ZNF749: variants seen among roughly 807,000 people sequenced by gnomAD.
ZNF749 encodes zinc finger protein 749.
In ZNF749, 8 loss-of-function variants were observed where a neutral mutation model predicts 7.3. The ratio of observed to expected loss-of-function variants is 1.10; its 90% CI spans 0.64 to 1.98. The LOEUF is 1.98. Ranked by LOEUF, ZNF749 falls within the 30% of genes most tolerant of loss-of-function variation. ZNF749 has a pLI of 0.00. For missense variants in ZNF749, 898 were observed against 932.4 expected, an observed-to-expected ratio of 0.96 and a Z score of 0.48; for synonymous variants, 310 against 322.4, an observed-to-expected ratio of 0.96 and a Z score of 0.41.
chr19:57,429,980 C>T, the ZNF749 span, among the ~76,000 whole-genome samples: 1 of 152,122 alleles, frequency 6.6e-6, no homozygotes, highest in African/African-American at 2.4e-5. This position sits in a 1 kb window ranked among gnomAD's most constrained non-coding sequence, Gnocchi z 4.2. Flanking sequence ...TCTTAATTTC[C>T]TAGCCTTTTT....
At chr19:57,430,338 G>A (rs561624766), upstream of ZNF749, among the ~76,000 whole-genome samples, 10 of 152,292 alleles carry the variant, frequency 6.6e-5, no homozygotes, top group South Asian at 2.1e-4. Flanking sequence ...CCATTCTTGC[G>A]ATGATAGCAT....
Position 57,444,839 on chromosome 19 carries a change from C to A in ZNF749, c.1691C>A (p.Ala564Asp), listed in dbSNP as rs766892719. The A allele has an allele frequency of 1.2e-6, 2 of 1,613,998 alleles. No homozygotes were observed. The highest frequency in any genetic ancestry group is 2.2e-5 in the South Asian group (2 of 91,058). The change falls in exon 3 of 3, where the codon GCC becomes GAC. Residue 564 changes from alanine (A) to aspartate (D), a missense_variant. Physicochemically the swap from Ala to Asp is moderately radical, Grantham distance 126. Coordinates refer to ENST00000334181, the MANE Select transcript of ZNF749 (RefSeq NM_001023561.4). ...TATGTGTGTAGTGAATGTGGGAAGG[C>A]CTTCCTTACACAGGCTCATCTAGAT... Reference protein sequence around the residue: ...RPYVCSECGKAFLTQAHLDGH... With the variant: ...RPYVCSECGKDFLTQAHLDGH...
upstream of ZNF749, among the ~76,000 whole-genome samples, chr19:57,432,008 T>C (rs2088901091): frequency 6.6e-6 from 1 of 151,576 alleles, no homozygotes; most frequent in Non-Finnish European, 1.5e-5. Flanking sequence ...AAAGATGGAG[T>C]TTTTAGTAAA....
upstream of ZNF749, among the ~76,000 whole-genome samples, chr19:57,431,084 A>C (rs1229088673): frequency 6.6e-6 from 1 of 151,794 alleles, no homozygotes; most frequent in East Asian, 1.9e-4. Context: ...GTAAAGGGGA[A>C]GTAGAAGAGT....
At position 57,445,391 on chromosome 19, in the gene ZNF749, A is replaced by G. The variant is rs2089053210; in HGVS notation, c.2243A>G (p.Glu748Gly). The G allele has an allele frequency of 6.2e-7, 1 of 1,613,876 alleles. No individual in the cohort carries two copies. Among genetic ancestry groups the G allele is most frequent in the Admixed American group, 1.7e-5 (1 of 59,998 alleles). ...TGQRQKTHTG[E>G]RSYECGESSK... Reference sequence around the variant, plus strand: ...CAGCGCCAAAAAACTCACACTGGAGAAAGGTCTTATGAGTGTGGTGAATCC... The same window carrying G: ...CAGCGCCAAAAAACTCACACTGGAGGAAGGTCTTATGAGTGTGGTGAATCC... The change falls in exon 3 of 3, where the codon GAA becomes GGA. Residue 748 changes from glutamate to glycine, a missense_variant. Coordinates refer to ENST00000334181, the MANE Select transcript of ZNF749 (RefSeq NM_001023561.4).
Position 57,444,252 on chromosome 19 carries a change from A to G in ZNF749, c.1104A>G (p.Thr368=), listed in dbSNP as rs2089030116. The G allele has an allele frequency of 3.1e-6, 5 of 1,613,858 alleles. No homozygotes were observed. The highest frequency in any genetic ancestry group is 4.5e-5 in the East Asian group (2 of 44,872). ...ECGKLFMDSF[T]LGRHQRVHTG... is the part of the protein sequence containing the mutation. ...GGAAATTGTTTATGGACAGCTTCAC[A>G]CTCGGTAGACATCAGAGAGTTCATA... is the stretch of plus-strand genomic sequence containing the variant. The change falls in exon 3 of 3, where the codon ACA becomes ACG. Residue 368 remains threonine (T), a synonymous_variant. Coordinates refer to ENST00000334181, the MANE Select transcript of ZNF749 (RefSeq NM_001023561.4).
intron 1 of ZNF749, 117 bp downstream of exon 1, chr19:57,435,710 G>A: frequency 6.7e-7 from 1 of 1,486,728 alleles, no homozygotes; most frequent in Non-Finnish European, 9.0e-7. Flanking sequence ...TCTTGTGTGG[G>A]GTGCCCGGGA....
At chr19:57,435,130 A>G (rs1259767632), upstream of ZNF749, among the ~76,000 whole-genome samples, 2 of 152,192 alleles carry the variant, frequency 1.3e-5, no homozygotes, top group Non-Finnish European at 2.9e-5. Context: ...TTTTTTCCGT[A>G]AGGTCCGCGC....
upstream of ZNF749, among the ~76,000 whole-genome samples, chr19:57,433,326 C>G (rs1034295066): frequency 6.6e-6 from 1 of 152,036 alleles, no homozygotes; most frequent in Non-Finnish European, 1.5e-5. Context: ...GGCTTCCTGG[C>G]CTTGTTGCTA....
intron 1 of ZNF749, among the ~76,000 whole-genome samples, chr19:57,441,115 CAAAAAAAA>C (rs35321744): frequency 4.2e-5 from 3 of 71,274 alleles, no homozygotes; most frequent in African/African-American, 1.9e-4. Context: ...ACTCTTGTCT[CAAAAAAAA>C]AAAAAAAAAA....
chr19:57,435,127 C>T (rs530456956), upstream of ZNF749, among the ~76,000 whole-genome samples: 71 of 147,838 alleles, frequency 4.8e-4, no homozygotes, highest in African/African-American at 1.5e-3. Flanking sequence ...AGCTTTTTTC[C>T]GTAAGGTCCG....
chr19:57,437,694 A>G (rs2088948517), intron 1 of ZNF749, among the ~76,000 whole-genome samples: 2 of 150,866 alleles, frequency 1.3e-5, no homozygotes, highest in South Asian at 4.2e-4. Context: ...ATTGCACTGC[A>G]GCCTGGGCAA....
intron 1 of ZNF749, chr19:57,437,849 G>A (rs2088950336): frequency 2.6e-6 from 1 of 383,086 alleles, no homozygotes. Flanking sequence ...TACTACTTAT[G>A]CTTCTTGTCA....
At chr19:57,435,725 G>A in intron 1 of ZNF749, 132 bp downstream of exon 1, 1 of 1,460,808 alleles carries the variant, frequency 6.8e-7, no homozygotes, top group Non-Finnish European at 9.1e-7. Flanking sequence ...CCGGGACTGG[G>A]ACTGCGGTGC....
chr19:57,437,865 A>G, intron 1 of ZNF749: 1 of 390,454 alleles, frequency 2.6e-6, no homozygotes, highest in Non-Finnish European at 4.5e-6. Context: ...TGTCAATATG[A>G]GCCCTGTGAA....
upstream of ZNF749, among the ~76,000 whole-genome samples, chr19:57,432,582 AAAG>A (rs1274730055): frequency 2.1e-5 from 3 of 142,566 alleles, no homozygotes; most frequent in Admixed American, 1.4e-4. Flanking sequence ...AAAAAAAAAA[AAAG>A]GTGGGGGGGA....
chr19:57,444,841 T>C lies in ZNF749; in HGVS notation c.1693T>C (p.Phe565Leu). 6.2e-7 allele frequency: 1 copy of C among 1,614,128 alleles called. No individual in the cohort carries two copies. Among genetic ancestry groups the C allele is most frequent in the Non-Finnish European group, 8.5e-7 (1 of 1,179,976 alleles). ...PYVCSECGKA[F>L]LTQAHLDGHQ... ...TGTGTGTAGTGAATGTGGGAAGGCC[T>C]TCCTTACACAGGCTCATCTAGATGG... Residue 565 changes from phenylalanine to leucine, a missense_variant, in exon 3 of 3, where the codon TTC (phenylalanine) becomes CTC (leucine). Transcript: ENST00000334181.
chr19:57,441,651 A>C (rs889561123), intron 1 of ZNF749, among the ~76,000 whole-genome samples: 12 of 152,126 alleles, frequency 7.9e-5, no homozygotes, highest in Non-Finnish European at 2.9e-5. Context: ...TAGGGCTAAG[A>C]GATTATCCCT....
chr19:57,444,936 C>T lies in ZNF749; in HGVS notation c.1788C>T (p.Ser596=). ...AATGTGGGAAATTCTTTTTGGACAGCTACAAACTTGTTATTCATCAGAGAA... is the reference window on the plus strand; with the variant it reads ...AATGTGGGAAATTCTTTTTGGACAGTTACAAACTTGTTATTCATCAGAGAA... ...CNECGKFFLD[S]YKLVIHQRIH... Residue 596 remains serine, a synonymous_variant, in exon 3 of 3, where the codon AGC becomes AGT. Coordinates refer to ENST00000334181, the MANE Select transcript of ZNF749 (RefSeq NM_001023561.4). 1 of 1,613,534 alleles carries T rather than the reference C, an allele frequency of 6.2e-7. No homozygotes were observed. Among genetic ancestry groups the T allele is most frequent in the Non-Finnish European group, 8.5e-7 (1 of 1,179,866 alleles).
Sources: allele counts gnomAD v4.1 joint callset (sites outside exome capture counted in the v4.1 genomes callset), GRCh38; gene constraint gnomAD v4.1.1; non-coding constraint Gnocchi (gnomAD v3.1); transcripts MANE v1.5; gene names NCBI Gene and HGNC (gene_info 2026-07-23, HGNC 2026-07-21).